The following BICC1 variants were observed in gnomAD, a reference collection of about 807,000 sequenced individuals.
The protein encoded by BICC1 is BicC family RNA binding protein 1.
Under a neutral mutation model 111.0 loss-of-function variants are expected in BICC1, and 43 were observed. The observed-to-expected ratio is 0.39, with a 90% CI of 0.30 to 0.50. The LOEUF is 0.50. Ranked by LOEUF, BICC1 falls within the 20% of genes least tolerant of loss-of-function variation. The pLI is 0.88. For synonymous variants in BICC1, 467 were observed against 434.4 expected, an observed-to-expected ratio of 1.07 and a Z score of -0.93; for missense variants, 1,091 against 1,203.2, an observed-to-expected ratio of 0.91 and a Z score of 1.38.
intron 2 of BICC1, among the ~76,000 whole-genome samples, chr10:58,643,026 C>T (rs1029382479): frequency 1.1e-4 from 16 of 152,160 alleles, no homozygotes; most frequent in Non-Finnish European, 1.9e-4. Flanking sequence ...TTCTTGTAAA[C>T]TTAATGTCTG....
intron 3 of BICC1, among the ~76,000 whole-genome samples, chr10:58,768,477 TGAAAA>T (rs768719738): frequency 8.3e-4 from 126 of 152,232 alleles, no homozygotes; most frequent in Admixed American, 1.4e-3. Flanking sequence ...CAAGCTGAAA[TGAAAA>T]GACACCAATT....
chr10:58,644,441 C>T (rs528182349), intron 2 of BICC1, among the ~76,000 whole-genome samples: 4 of 152,150 alleles, frequency 2.6e-5, no homozygotes, highest in South Asian at 2.1e-4. Context: ...CTAAAACAAT[C>T]GATCCTTTTC....
At chr10:58,663,455 A>G (rs1022680876) in intron 2 of BICC1, among the ~76,000 whole-genome samples, 1 of 151,992 alleles carries the variant, frequency 6.6e-6, no homozygotes, top group African/African-American at 2.4e-5. Flanking sequence ...TTCTTTTCCA[A>G]CATGTCATTT....
In BICC1 at chr10:58,574,476, A is replaced by G. The variant is rs190910557; in HGVS notation, c.191-46379A>G. Among the ~76,000 whole-genome samples, 5 of 151,454 alleles carry G rather than the reference A, an allele frequency of 3.3e-5. No homozygotes were observed. In the East Asian group the frequency reaches 9.8e-4, roughly 30 times the overall value. On this transcript the variant is annotated intron_variant, in intron 1 of 20. Transcript: ENST00000373886. ...CTTCCCATAAAATATACATGTATTGATATGTTAAAGTACTATGTGTTCACA... is the reference window on the plus strand; with the variant it reads ...CTTCCCATAAAATATACATGTATTGGTATGTTAAAGTACTATGTGTTCACA...
At chr10:58,571,676 T>G (rs1345351115) in intron 1 of BICC1, among the ~76,000 whole-genome samples, 1 of 152,184 alleles carries the variant, frequency 6.6e-6, no homozygotes, top group African/African-American at 2.4e-5. Context: ...ATCTCATTCC[T>G]TTTTATGGCT....
chr10:58,679,329 C>T (rs1839442065), intron 2 of BICC1, among the ~76,000 whole-genome samples: 1 of 151,734 alleles, frequency 6.6e-6, no homozygotes, highest in Non-Finnish European at 1.5e-5. Flanking sequence ...ATCAAATAGA[C>T]AAAATTAAAA....
chr10:58,607,477 C>T (rs1469223411), intron 1 of BICC1, among the ~76,000 whole-genome samples: 1 of 151,896 alleles, frequency 6.6e-6, no homozygotes, highest in Admixed American at 6.6e-5. Context: ...CCTTCCTCAT[C>T]TTCTCCACCT....
intron 3 of BICC1, among the ~76,000 whole-genome samples, chr10:58,714,372 A>C (rs560922385): frequency 6.6e-6 from 1 of 152,346 alleles, no homozygotes; most frequent in East Asian, 1.9e-4. Context: ...TTGGTAAAAG[A>C]GATAAAACAT....
At chr10:58,705,657 T>C (rs772147659) in intron 3 of BICC1, among the ~76,000 whole-genome samples, 41 of 152,338 alleles carry the variant, frequency 2.7e-4, no homozygotes, top group South Asian at 1.0e-3. Context: ...TTTAGGGAAG[T>C]GCATGTTTTG....
At chr10:58,523,891 GC>G (rs543847075) in intron 1 of BICC1, among the ~76,000 whole-genome samples, 98 of 152,252 alleles carry the variant, frequency 6.4e-4, no homozygotes, top group African/African-American at 2.1e-3. Flanking sequence ...AAAATCACAA[GC>G]ATTCTTATAC....
chr10:58,710,195 G>T (rs977676051), intron 3 of BICC1, among the ~76,000 whole-genome samples: 1 of 152,134 alleles, frequency 6.6e-6, no homozygotes, highest in Non-Finnish European at 1.5e-5. Context: ...GTAAAGGTAG[G>T]TTAGTTTGCC....
chr10:58,667,587 A>G (rs10740752), intron 2 of BICC1, among the ~76,000 whole-genome samples: 149,182 of 152,026 alleles, frequency 0.98, 73,282 homozygotes, highest in Middle Eastern at 1. Flanking sequence ...TTCTTAAACC[A>G]TTCTGTGGAA....
At chr10:58,550,185 T>C (rs972521883) in intron 1 of BICC1, among the ~76,000 whole-genome samples, 1 of 152,034 alleles carries the variant, frequency 6.6e-6, no homozygotes, top group Non-Finnish European at 1.5e-5. Flanking sequence ...TACTAATATT[T>C]TATTTTCAAA....
chr10:58,512,370 G>C (rs1279450236), upstream of BICC1, among the ~76,000 whole-genome samples: 1 of 152,094 alleles, frequency 6.6e-6, no homozygotes, highest in Non-Finnish European at 1.5e-5. Context: ...TCTTCCTCAC[G>C]TTCGAGCTTG....
At chr10:58,785,786 C>T (rs532468656) in intron 4 of BICC1, among the ~76,000 whole-genome samples, 234 of 152,254 alleles carry the variant, frequency 1.5e-3, no homozygotes, top group African/African-American at 5.5e-3. Flanking sequence ...GTTCAGGACC[C>T]TAGAGCCGGT....
chr10:58,676,735 C>A (rs1056222568), intron 2 of BICC1, among the ~76,000 whole-genome samples: 3 of 152,220 alleles, frequency 2.0e-5, no homozygotes, highest in Non-Finnish European at 4.4e-5. Flanking sequence ...TCTCTGACCC[C>A]CCCGTGCCTC....
At chr10:58,737,002 G>C (rs984766062) in intron 3 of BICC1, among the ~76,000 whole-genome samples, 2 of 151,616 alleles carry the variant, frequency 1.3e-5, no homozygotes, top group African/African-American at 4.8e-5. Context: ...TATTACACTA[G>C]AATATTTAAA....
In BICC1 at chr10:58,687,260, G is replaced by A. The variant is rs982503079; in HGVS notation, c.238-14814G>A. ...TTTTGTCTCAGAGGGGCACCCGGCT[G>A]TATGACATGTGAGTCGGCCTCCACT... On this transcript the variant is annotated intron_variant, in intron 2 of 20. Coordinates refer to ENST00000373886, the MANE Select transcript of BICC1 (RefSeq NM_001080512.3). Among the ~76,000 whole-genome samples, 5 of 152,352 alleles carry A rather than the reference G, an allele frequency of 3.3e-5. No individual in the cohort carries two copies. In the East Asian group the frequency reaches 9.6e-4, roughly 29 times the overall value.
intron 3 of BICC1, among the ~76,000 whole-genome samples, chr10:58,762,295 G>C (rs1842337688): frequency 6.6e-6 from 1 of 152,170 alleles, no homozygotes; most frequent in African/African-American, 2.4e-5. Flanking sequence ...CCACTAAAAT[G>C]AGAAAATATG....
Sources: allele counts gnomAD v4.1 joint callset (sites outside exome capture counted in the v4.1 genomes callset), GRCh38; gene constraint gnomAD v4.1.1; transcripts MANE v1.5; gene names NCBI Gene and HGNC (gene_info 2026-07-23, HGNC 2026-07-21).